LUZP2: variants seen among roughly 807,000 people sequenced by gnomAD.
The protein encoded by LUZP2 is leucine zipper protein 2.
In LUZP2, 52 loss-of-function variants were observed where a neutral mutation model predicts 51.6. The observed-to-expected ratio is 1.01, with a 90% CI of 0.81 to 1.27. The LOEUF is 1.27. Ranked by LOEUF, LUZP2 falls within the 50% of genes most tolerant of loss-of-function variation. The pLI is 0.00. For synonymous variants in LUZP2, 154 were observed against 137.3 expected (o/e 1.12, Z -0.85); for missense variants, 436 against 395.4 (o/e 1.10, Z -0.87).
At chr11:24,627,824 A>C (rs1410171111) in intron 1 of LUZP2, among the ~76,000 whole-genome samples, 2 of 152,188 alleles carry the variant, frequency 1.3e-5, no homozygotes, top group Non-Finnish European at 2.9e-5. Flanking sequence ...GTCTCTTGTC[A>C]CTATTCAGAG....
intron 1 of LUZP2, among the ~76,000 whole-genome samples, chr11:24,665,870 G>C (rs1856195955): frequency 6.6e-6 from 1 of 152,132 alleles, no homozygotes; most frequent in South Asian, 2.1e-4. Flanking sequence ...GTGTGAAAGT[G>C]AACTAATACA....
intron 5 of LUZP2, among the ~76,000 whole-genome samples, chr11:24,829,064 CA>C (rs1230771131): frequency 6.6e-6 from 1 of 152,066 alleles, no homozygotes; most frequent in South Asian, 2.1e-4. Context: ...AAAAACTAGC[CA>C]ACTGCTGAGA....
intron 1 of LUZP2, among the ~76,000 whole-genome samples, chr11:24,519,344 G>A (rs16912674): frequency 0.052 from 7,976 of 152,214 alleles, 232 homozygotes; most frequent in Middle Eastern, 0.11. Flanking sequence ...GGAGAATACA[G>A]CAGGCCATCT....
At chr11:24,896,103 T>TTTTC (rs765790969) in intron 5 of LUZP2, among the ~76,000 whole-genome samples, 1 of 152,224 alleles carries the variant, frequency 6.6e-6, no homozygotes, top group Non-Finnish European at 1.5e-5. Flanking sequence ...ATGTTGAACA[T>TTTTC]TTTCTCCATA....
At chr11:24,617,707 G>A (rs1294823735) in intron 1 of LUZP2, among the ~76,000 whole-genome samples, 2 of 152,054 alleles carry the variant, frequency 1.3e-5, no homozygotes, top group Non-Finnish European at 2.9e-5. Context: ...TGTAGTCCCA[G>A]CTACTTGGGA....
intron 1 of LUZP2, among the ~76,000 whole-genome samples, chr11:24,588,429 A>G (rs1463339390): frequency 6.6e-6 from 1 of 152,120 alleles, no homozygotes; most frequent in African/African-American, 2.4e-5. Flanking sequence ...GTCAAGAGCA[A>G]TGGATTTATT....
At chr11:24,852,191 T>C (rs1851417613) in intron 5 of LUZP2, among the ~76,000 whole-genome samples, 2 of 152,186 alleles carry the variant, frequency 1.3e-5, no homozygotes. Context: ...CTTTTCATTG[T>C]GATGTTAGGG....
chr11:24,575,885 G>C (rs1852629484), intron 1 of LUZP2, among the ~76,000 whole-genome samples: 1 of 151,432 alleles, frequency 6.6e-6, no homozygotes. Context: ...TTTTTTCTCT[G>C]TAATGTTTTT....
At chr11:24,630,727 T>C (rs2133925615) in intron 1 of LUZP2, among the ~76,000 whole-genome samples, 2 of 150,512 alleles carry the variant, frequency 1.3e-5, no homozygotes, top group Admixed American at 1.3e-4. Context: ...TTCTAAAAAT[T>C]CCATGAAAAT....
chr11:24,772,814 C>T (rs1447453743), intron 5 of LUZP2, among the ~76,000 whole-genome samples: 2 of 152,144 alleles, frequency 1.3e-5, no homozygotes, highest in African/African-American at 4.8e-5. Flanking sequence ...CCAATCTCTG[C>T]TTCAGTATTC....
intron 1 of LUZP2, among the ~76,000 whole-genome samples, chr11:24,573,698 A>G (rs1441739836): frequency 6.6e-6 from 1 of 152,020 alleles, no homozygotes; most frequent in African/African-American, 2.4e-5. Flanking sequence ...TAAAAGACAC[A>G]TGGTATAAAC....
In LUZP2 at chr11:24,570,787, T is replaced by G. The variant is rs140234184; in HGVS notation, c.62+73482T>G. 6.6e-5 allele frequency among the ~76,000 whole-genome samples: 10 copies of G among 152,146 alleles called. No individual in the cohort carries two copies. The East Asian group carries it at 1.9e-3, about 29-fold the overall frequency. ...TAATGGGGAAGCCAAGAGGTGGAGT[T>G]CTAAATTTTCCACCTACTTTTCATA... On this transcript the variant is annotated intron_variant, in intron 1 of 11. Transcript: ENST00000336930.
intron 1 of LUZP2, among the ~76,000 whole-genome samples, chr11:24,598,638 C>T (rs776212294): frequency 1.3e-5 from 2 of 152,082 alleles, no homozygotes; most frequent in African/African-American, 2.4e-5. Flanking sequence ...ATAAGCTAAT[C>T]ATATCCCGAG....
At chr11:25,023,140 G>A (rs1183009635) in intron 9 of LUZP2, among the ~76,000 whole-genome samples, 1 of 152,088 alleles carries the variant, frequency 6.6e-6, no homozygotes, top group East Asian at 1.9e-4. Context: ...CCAGGCTTTG[G>A]TGTCAGAATG....
Position 25,079,905 on chromosome 11 carries a change from A to G in LUZP2, c.*1247A>G. On this transcript the variant is annotated 3_prime_UTR_variant, in exon 12 of 12. Transcript: ENST00000336930. ...GATCAGTGTATCCTAGGAGACAGTT[A>G]ATAAAAATGTATTAAAGGAAATCTT... The G allele has an allele frequency of 6.6e-6, 1 of 152,182 alleles. No homozygotes were observed. Among genetic ancestry groups the G allele is most frequent in the East Asian group, 1.9e-4 (1 of 5,192 alleles). The allele number at this position is 152,182 out of a possible 1,614,324, so 9.4% of individuals were successfully genotyped here. A position where few individuals can be genotyped will look rare whatever the true frequency, so the allele number is the denominator to read the frequency against.
At chr11:24,917,618 C>T (rs1029066013) in intron 7 of LUZP2, among the ~76,000 whole-genome samples, 16 of 151,994 alleles carry the variant, frequency 1.1e-4, no homozygotes, top group Non-Finnish European at 1.9e-4. Context: ...TTGTTTTTGT[C>T]AGGTTTGTCA....
chr11:24,617,091 T>C (rs1330368742), intron 1 of LUZP2, among the ~76,000 whole-genome samples: 1 of 152,186 alleles, frequency 6.6e-6, no homozygotes, highest in Non-Finnish European at 1.5e-5. Context: ...AAAACAGAGG[T>C]AGTAGATGTT....
intron 1 of LUZP2, among the ~76,000 whole-genome samples, chr11:24,675,455 A>T (rs1170448187): frequency 6.6e-6 from 1 of 152,210 alleles, no homozygotes; most frequent in Admixed American, 6.5e-5. Flanking sequence ...TTTTCACATT[A>T]TGCAGTGTTT....
At chr11:24,540,674 T>A (rs926268298) in intron 1 of LUZP2, among the ~76,000 whole-genome samples, 3 of 152,074 alleles carry the variant, frequency 2.0e-5, no homozygotes, top group Non-Finnish European at 4.4e-5. Flanking sequence ...TTTAGAAGAA[T>A]CCTAAAATAA....
Sources: gnomAD v4.1 joint callset for allele counts (sites outside exome capture counted in the v4.1 genomes callset) on GRCh38, gnomAD v4.1.1 for gene constraint, MANE v1.5 for transcripts, NCBI Gene and HGNC (gene_info 2026-07-23, HGNC 2026-07-21) for gene names.